Variants in MAML3 observed in about 807,000 individuals in gnomAD.
MAML3 encodes the protein mastermind-like protein 3.
MAML3 carries 27 observed loss-of-function variants against 101.9 expected under a neutral mutation model. The observed-to-expected ratio is 0.27, with a 90% CI of 0.20 to 0.37. The LOEUF is 0.37. Among genes scored for constraint, MAML3 ranks in the 10% least tolerant of loss-of-function variants. MAML3 has a pLI of 1.00. For missense variants in MAML3, 1,316 were observed against 1,444.9 expected (o/e 0.91, Z 1.45); for synonymous variants, 501 against 555.9 (o/e 0.90, Z 1.39).
chr4:139,739,878 T>C (rs1000214299), intron 2 of MAML3, among the ~76,000 whole-genome samples: 2 of 152,150 alleles, frequency 1.3e-5, no homozygotes, highest in Non-Finnish European at 2.9e-5. Flanking sequence ...TTGTTAAGAA[T>C]AAGGCTAAAC....
At chr4:139,893,175 G>A (rs1163770992) in intron 1 of MAML3, among the ~76,000 whole-genome samples, 2 of 152,070 alleles carry the variant, frequency 1.3e-5, no homozygotes, top group South Asian at 2.1e-4. Flanking sequence ...TGCCTCTAGG[G>A]CATTGTCCAT....
chr4:140,072,656 G>A lies in MAML3; in HGVS notation c.468+80204C>T, dbSNP rs868840607. On this transcript the variant is annotated intron_variant, in intron 1 of 4. Transcript: ENST00000509479. ...TTGCACTCCAACCTGGGCAACAAGA[G>A]CAAAACTCCGTCTCAAAAAAAAAAA... Among the ~76,000 whole-genome samples the A allele has an allele frequency of 4.2e-5, 6 of 142,270 alleles. No individual in the cohort carries two copies. In the South Asian group the frequency reaches 1.4e-3, roughly 32 times the overall value. The allele number at this position is 142,270 out of a possible 152,430, so 93.3% of individuals were successfully genotyped here. A position where few individuals can be genotyped will look rare whatever the true frequency, so the allele number is the denominator to read the frequency against.
At chr4:140,130,575 C>A (rs768327338) in intron 1 of MAML3, among the ~76,000 whole-genome samples, 1 of 152,168 alleles carries the variant, frequency 6.6e-6, no homozygotes, top group South Asian at 2.1e-4. Context: ...AAGAGTTTTA[C>A]TTAAAAATCA....
At chr4:139,920,589 T>C (rs1223029479) in intron 1 of MAML3, among the ~76,000 whole-genome samples, 5 of 152,238 alleles carry the variant, frequency 3.3e-5, no homozygotes, top group Admixed American at 2.6e-4. Context: ...CACTGTTGTG[T>C]TTTGGTACAT....
intron 2 of MAML3, among the ~76,000 whole-genome samples, chr4:139,850,566 C>T (rs1731530166): frequency 6.6e-6 from 1 of 151,852 alleles, no homozygotes; most frequent in Non-Finnish European, 1.5e-5. Context: ...CAGGGTCTCA[C>T]TGTGGTGCCT....
intron 1 of MAML3, among the ~76,000 whole-genome samples, chr4:139,947,219 A>G (rs1395147929): frequency 6.6e-6 from 1 of 152,180 alleles, no homozygotes; most frequent in Non-Finnish European, 1.5e-5. Flanking sequence ...GGTAGATTTT[A>G]TCCTTGCCTT....
chr4:140,076,598 T>G (rs1338021602), intron 1 of MAML3, among the ~76,000 whole-genome samples: 1 of 152,250 alleles, frequency 6.6e-6, no homozygotes, highest in Non-Finnish European at 1.5e-5. Flanking sequence ...TTGGTTTGCC[T>G]GATTTATTGA....
intron 2 of MAML3, among the ~76,000 whole-genome samples, chr4:139,864,929 T>TTTG (rs1560818184): frequency 2.2e-5 from 3 of 137,890 alleles, no homozygotes; most frequent in Non-Finnish European, 4.7e-5. Flanking sequence ...CTTGCTTTTT[T>TTTG]TTTTTTTTTT....
At chr4:140,015,719 C>T (rs1411343583) in intron 1 of MAML3, among the ~76,000 whole-genome samples, 2 of 152,092 alleles carry the variant, frequency 1.3e-5, no homozygotes. Context: ...TTTGAGAGGC[C>T]GAGGTGAGTG....
At chr4:139,900,386 G>A (rs1732693985) in intron 1 of MAML3, among the ~76,000 whole-genome samples, 1 of 152,164 alleles carries the variant, frequency 6.6e-6, no homozygotes, top group Non-Finnish European at 1.5e-5. Context: ...AGTACCAACT[G>A]AATGCACAAC....
chr4:140,027,001 C>G (rs908971935), intron 1 of MAML3, among the ~76,000 whole-genome samples: 1 of 150,432 alleles, frequency 6.6e-6, no homozygotes, highest in Non-Finnish European at 1.5e-5. Flanking sequence ...TAATTAAAAA[C>G]TAAATTAAAA....
At chr4:140,005,486 G>A (rs890063441) in intron 1 of MAML3, among the ~76,000 whole-genome samples, 5 of 152,202 alleles carry the variant, frequency 3.3e-5, no homozygotes, top group African/African-American at 7.2e-5. Flanking sequence ...ACTAAATAAC[G>A]CTCCAGGTAA....
intron 2 of MAML3, among the ~76,000 whole-genome samples, chr4:139,809,865 T>TACACACACACACACACAC (rs71584333): frequency 7.0e-5 from 10 of 142,946 alleles, no homozygotes; most frequent in Admixed American, 2.1e-4. Context: ...TACCTGCACG[T>TACACACACACACACACAC]ACACACACAC....
chr4:139,802,588 G>A (rs1057351699), intron 2 of MAML3, among the ~76,000 whole-genome samples: 2 of 152,028 alleles, frequency 1.3e-5, no homozygotes, highest in Non-Finnish European at 2.9e-5. Flanking sequence ...TAAAAAAAAA[G>A]AAATCAAAAT....
At chr4:140,002,137 T>C (rs999476541) in intron 1 of MAML3, among the ~76,000 whole-genome samples, 10 of 152,200 alleles carry the variant, frequency 6.6e-5, no homozygotes, top group East Asian at 1.9e-4. Context: ...CCACGTTGTA[T>C]AATAGATCTC....
At chr4:139,786,141 A>G (rs1471705786) in intron 2 of MAML3, among the ~76,000 whole-genome samples, 1 of 152,082 alleles carries the variant, frequency 6.6e-6, no homozygotes, top group East Asian at 1.9e-4. Flanking sequence ...AGACTGGAAG[A>G]ATATGGCTGT....
intron 2 of MAML3, among the ~76,000 whole-genome samples, chr4:139,831,013 C>T (rs923963904): frequency 9.2e-5 from 14 of 152,052 alleles, no homozygotes; most frequent in East Asian, 3.9e-4. Flanking sequence ...CACATTCTGG[C>T]GATAAGGAGA....
intron 3 of MAML3, 168 bp downstream of exon 3, chr4:139,730,248 A>G (rs1367310646): frequency 6.2e-6 from 4 of 646,626 alleles, no homozygotes; most frequent in Non-Finnish European, 1.1e-5. Flanking sequence ...AAAAACCCTA[A>G]CTAATTGAAA....
In MAML3 at chr4:140,010,704, CA is replaced by C. The variant is rs890468225; in HGVS notation, c.469-119738del. Among the ~76,000 whole-genome samples the C allele has an allele frequency of 1.7e-3, 264 of 151,356 alleles. 1 individual carries two copies. Among genetic ancestry groups the C allele is most frequent in the African/African-American group, 6.0e-3 (246 of 41,242 alleles). On this transcript the variant is annotated intron_variant, in intron 1 of 4. Transcript: ENST00000509479. ...AAAAATCCTTTAAGATCAGTGAAAACAAAAAAAATGCCAAAATATTTTGAAA... is the reference window on the plus strand; with the variant it reads ...AAAAATCCTTTAAGATCAGTGAAAACAAAAAAATGCCAAAATATTTTGAAA...
Sources: gnomAD v4.1 joint callset for allele counts (sites outside exome capture counted in the v4.1 genomes callset) on GRCh38, gnomAD v4.1.1 for gene constraint, MANE v1.5 for transcripts, NCBI Gene and HGNC (gene_info 2026-07-23, HGNC 2026-07-21) for gene names.